The following SORCS2 variants were observed in gnomAD, a reference collection of about 807,000 sequenced individuals.
The protein encoded by SORCS2 is VPS10 domain-containing receptor SorCS2.
In SORCS2, 100 loss-of-function variants were observed where a neutral mutation model predicts 141.6. The ratio of observed to expected loss-of-function variants is 0.71; its 90% CI spans 0.60 to 0.83. SORCS2 has a LOEUF of 0.83. Ranked by LOEUF, SORCS2 falls within the 40% of genes least tolerant of loss-of-function variation. The pLI is 0.00. For synonymous variants in SORCS2, 789 were observed against 676.9 expected (o/e 1.17, Z -2.57); for missense variants, 1,646 against 1,560.2 (o/e 1.05, Z -0.93).
At chr4:7,555,669 G>T (rs1325608886) in intron 3 of SORCS2, among the ~76,000 whole-genome samples, 1 of 152,232 alleles carries the variant, frequency 6.6e-6, no homozygotes, top group Non-Finnish European at 1.5e-5. Context: ...GCAAACCTTG[G>T]TTTGGTAAAG....
intron 2 of SORCS2, among the ~76,000 whole-genome samples, chr4:7,501,694 C>T (rs1255099311): frequency 6.6e-6 from 1 of 152,190 alleles, no homozygotes; most frequent in East Asian, 1.9e-4. Context: ...CCCTGTGTGT[C>T]TGGAGACTGA....
chr4:7,228,870 A>G (rs967858947), intron 1 of SORCS2, among the ~76,000 whole-genome samples: 92 of 152,274 alleles, frequency 6.0e-4, no homozygotes, highest in African/African-American at 2.0e-3. Context: ...CCTCCATGGC[A>G]TCAGCAGCCG....
chr4:7,271,070 G>A (rs975193588), intron 1 of SORCS2, among the ~76,000 whole-genome samples: 2 of 152,202 alleles, frequency 1.3e-5, no homozygotes, highest in Admixed American at 6.5e-5. Flanking sequence ...GCCCCCAAGC[G>A]ATGAGGCTAC....
chr4:7,369,994 G>C (rs917124552), intron 1 of SORCS2, among the ~76,000 whole-genome samples: 2 of 152,240 alleles, frequency 1.3e-5, no homozygotes, highest in African/African-American at 4.8e-5. Flanking sequence ...CTGAGCCTCA[G>C]TTTCCTCCTC....
intron 3 of SORCS2, among the ~76,000 whole-genome samples, chr4:7,549,024 G>A (rs1713483020): frequency 6.6e-6 from 1 of 152,024 alleles, no homozygotes; most frequent in Non-Finnish European, 1.5e-5. Context: ...ATAGGGTGGG[G>A]TCCACCCACC....
chr4:7,724,239 T>G (rs1237847521), intron 19 of SORCS2, among the ~76,000 whole-genome samples: 1 of 149,716 alleles, frequency 6.7e-6, no homozygotes, highest in African/African-American at 2.5e-5. Context: ...GTGGTAGTGA[T>G]GATGGTGACG....
At chr4:7,485,013 G>T (rs111304827) in intron 2 of SORCS2, among the ~76,000 whole-genome samples, 1 of 152,076 alleles carries the variant, frequency 6.6e-6, no homozygotes, top group Admixed American at 6.6e-5. Flanking sequence ...GCTGATTCCT[G>T]CAGGGCAGAC....
chr4:7,693,731 C>T (rs1724405986), intron 11 of SORCS2, among the ~76,000 whole-genome samples: 1 of 152,256 alleles, frequency 6.6e-6, no homozygotes, highest in Non-Finnish European at 1.5e-5. Context: ...GTGCTGCTGG[C>T]TTGACTCAGG....
chr4:7,649,579 G>A (rs112886122), intron 4 of SORCS2, among the ~76,000 whole-genome samples: 1,689 of 152,180 alleles, frequency 0.011, 25 homozygotes, highest in African/African-American at 0.038. Flanking sequence ...CATCTGAAGC[G>A]TGGTGACTTA....
Position 7,347,345 on chromosome 4 carries a change from G to A in SORCS2, c.481-48943G>A, listed in dbSNP as rs146876437. ...CCTTGGCAACCCTGAATCCATTTACGATAGAATTCCCATGGGCCACGCCTC... is the reference window on the plus strand; with the variant it reads ...CCTTGGCAACCCTGAATCCATTTACAATAGAATTCCCATGGGCCACGCCTC... On this transcript the variant is annotated intron_variant, in intron 1 of 26. Transcript: ENST00000507866. Among the ~76,000 whole-genome samples the A allele has an allele frequency of 1.8e-3, 277 of 152,320 alleles. 1 individual carries two copies. Among genetic ancestry groups the A allele is most frequent in the African/African-American group, 5.2e-3 (216 of 41,566 alleles).
chr4:7,350,851 C>T (rs1393552702), intron 1 of SORCS2, among the ~76,000 whole-genome samples: 1 of 152,314 alleles, frequency 6.6e-6, no homozygotes, highest in East Asian at 1.9e-4. Context: ...CACACCAGGG[C>T]GGGTCCCCTT....
At chr4:7,704,468 C>A (rs1427317775) in intron 14 of SORCS2, among the ~76,000 whole-genome samples, 184 bp downstream of exon 14, 1 of 152,248 alleles carries the variant, frequency 6.6e-6, no homozygotes, top group Non-Finnish European at 1.5e-5. Flanking sequence ...ATGGCCACGG[C>A]ACCTCTTGAG....
chr4:7,725,386 C>T lies in SORCS2; in HGVS notation c.2745+99C>T, dbSNP rs907631698. 31 of 1,473,094 alleles carry T rather than the reference C, an allele frequency of 2.1e-5. No individual in the cohort carries two copies. In the Admixed American group the frequency reaches 3.0e-4, roughly 14 times the overall value. 91.3% of individuals were successfully genotyped at this position (1,473,094 alleles called of 1,614,324 possible). A position where few individuals can be genotyped will look rare whatever the true frequency, so the allele number is the denominator to read the frequency against. ...GGCCCCAGGTTTTCAGCAGAAGGAA[C>T]CAGTGTAGGGTGCACTCCTCACCCT... On this transcript the variant is annotated intron_variant, in intron 20 of 26. Transcript: ENST00000507866.
chr4:7,216,935 G>A (rs865976980), intron 1 of SORCS2, among the ~76,000 whole-genome samples: 1 of 85,558 alleles, frequency 1.2e-5, no homozygotes, highest in African/African-American at 5.9e-5. Context: ...CCAATTCTCC[G>A]TCCGCACTGC....
chr4:7,270,288 G>A (rs986034580), intron 1 of SORCS2, among the ~76,000 whole-genome samples: 1 of 152,296 alleles, frequency 6.6e-6, no homozygotes, highest in Non-Finnish European at 1.5e-5. Flanking sequence ...GCGTGTGGGT[G>A]CAGCACCCGC....
chr4:7,712,935 C>T (rs1184551284), intron 15 of SORCS2, 82 bp downstream of exon 15: 2 of 1,561,058 alleles, frequency 1.3e-6, no homozygotes, highest in African/African-American at 2.7e-5. Flanking sequence ...AAGTCCTCCC[C>T]TGCAAGGCCG....
At chr4:7,419,822 A>C (rs147490774) in intron 2 of SORCS2, among the ~76,000 whole-genome samples, 164 of 152,314 alleles carry the variant, frequency 1.1e-3, no homozygotes, top group African/African-American at 3.6e-3. Flanking sequence ...AAGCTATGTC[A>C]GGGTAGGCTT....
At chr4:7,525,751 G>C (rs62280195) in intron 2 of SORCS2, among the ~76,000 whole-genome samples, 191 of 86,084 alleles carry the variant, frequency 2.2e-3, no homozygotes, top group South Asian at 4.7e-3. Context: ...AGTCACCTGT[G>C]CCCTCCTGCA....
intron 1 of SORCS2, among the ~76,000 whole-genome samples, chr4:7,300,449 C>T (rs1477989574): frequency 2.0e-5 from 3 of 152,134 alleles, no homozygotes; most frequent in African/African-American, 7.2e-5. Context: ...CCACTCTCAC[C>T]AAGCCCTGCT....
Sources: gnomAD v4.1 joint callset for allele counts (sites outside exome capture counted in the v4.1 genomes callset) on GRCh38, gnomAD v4.1.1 for gene constraint, MANE v1.5 for transcripts, NCBI Gene and HGNC (gene_info 2026-07-23, HGNC 2026-07-21) for gene names.